The following NCAM2 variants were observed in gnomAD, a reference collection of about 807,000 sequenced individuals.
NCAM2 encodes neural cell adhesion molecule 2.
In NCAM2, 30 loss-of-function variants were observed where a neutral mutation model predicts 98.1. The ratio of observed to expected loss-of-function variants is 0.31; its 90% CI spans 0.23 to 0.41. NCAM2 has a LOEUF of 0.41. NCAM2 is among the 10% of genes least tolerant of loss of function. The probability of loss-of-function intolerance (pLI) is 1.00; values close to 1 mark genes in which losing one functional copy is unlikely to be tolerated. For synonymous variants in NCAM2, 368 were observed against 342.4 expected (o/e 1.07, Z -0.83); for missense variants, 867 against 1,005.8 (o/e 0.86, Z 1.87).
chr21:21,472,237 C>T (rs1294691779), intron 14 of NCAM2, among the ~76,000 whole-genome samples: 4 of 151,884 alleles, frequency 2.6e-5, no homozygotes, highest in African/African-American at 7.3e-5. Flanking sequence ...TAAGGAAGTA[C>T]TATAGGGACT....
intron 1 of NCAM2, among the ~76,000 whole-genome samples, chr21:21,175,392 G>T (rs956803053): frequency 5.3e-5 from 8 of 152,104 alleles, no homozygotes; most frequent in African/African-American, 1.9e-4. Flanking sequence ...AATTATCTGG[G>T]CATGGTGGCA....
Position 21,515,665 on chromosome 21 carries a change from A to G in NCAM2, c.2282+6610A>G, listed in dbSNP as rs529594276. 1.9e-4 allele frequency among the ~76,000 whole-genome samples: 29 copies of G among 152,312 alleles called. No individual in the cohort carries two copies. In the South Asian group the frequency reaches 4.1e-3, roughly 22 times the overall value. On this transcript the variant is annotated intron_variant, in intron 16 of 17. Transcript: ENST00000400546. The stretch of plus-strand genomic sequence containing the variant: ...ATTAATTCAGTGGAAAATTTAATTT[A>G]CTACCTGTAATACCATAATTAAAAT...
intron 16 of NCAM2, among the ~76,000 whole-genome samples, chr21:21,514,113 A>G (rs989357894): frequency 6.6e-6 from 1 of 151,074 alleles, no homozygotes; most frequent in African/African-American, 2.4e-5. Flanking sequence ...TATTATAAGT[A>G]TACATAAACC....
chr21:21,524,545 T>A lies in NCAM2; in HGVS notation c.2283-9992T>A, dbSNP rs148217726. ...AACTCTGTAACAAAAAAAAAGGGGG[T>A]GTGGGGGGAGAATACAAAGATAAAA... On this transcript the variant is annotated intron_variant, in intron 16 of 17. Coordinates refer to ENST00000400546, the MANE Select transcript of NCAM2 (RefSeq NM_004540.5). Among the ~76,000 whole-genome samples the A allele has an allele frequency of 2.2e-3, 308 of 140,860 alleles. 1 individual carries two copies. The highest frequency in any genetic ancestry group is 5.0e-3 in the South Asian group (22 of 4,444). The allele number at this position is 140,860 out of a possible 152,430, so 92.4% of individuals were successfully genotyped here.
chr21:21,185,138 C>A (rs898169787), intron 1 of NCAM2, among the ~76,000 whole-genome samples: 9 of 152,124 alleles, frequency 5.9e-5, no homozygotes, highest in African/African-American at 2.2e-4. Flanking sequence ...GAAATAAAAT[C>A]TAACATTTAA....
chr21:21,291,212 A>ATGGATG (rs1219158635), intron 4 of NCAM2, among the ~76,000 whole-genome samples: 1 of 151,894 alleles, frequency 6.6e-6, no homozygotes. Flanking sequence ...AATGAGATCT[A>ATGGATG]TGGATGTGTT....
At chr21:21,142,873 A>G (rs1489236285) in intron 1 of NCAM2, among the ~76,000 whole-genome samples, 1 of 152,130 alleles carries the variant, frequency 6.6e-6, no homozygotes, top group Non-Finnish European at 1.5e-5. Context: ...TTTCAGAGCT[A>G]TGATTTTTGT....
intron 14 of NCAM2, among the ~76,000 whole-genome samples, chr21:21,471,483 A>G (rs1984434723): frequency 1.3e-5 from 2 of 152,096 alleles, no homozygotes; most frequent in Admixed American, 1.3e-4. Context: ...ATAACTTGAA[A>G]AAATGGTTTA....
intron 1 of NCAM2, among the ~76,000 whole-genome samples, chr21:21,089,408 T>G (rs1601334530): frequency 6.6e-6 from 1 of 152,196 alleles, no homozygotes; most frequent in Admixed American, 6.5e-5. Flanking sequence ...TACCATCTGC[T>G]GGCTATTAGT....
intron 1 of NCAM2, among the ~76,000 whole-genome samples, chr21:21,178,960 A>AAGTTT (rs2068384430): frequency 6.6e-6 from 1 of 152,028 alleles, no homozygotes; most frequent in Non-Finnish European, 1.5e-5. Flanking sequence ...AAGTCCATGA[A>AAGTTT]TTACTGAGGG....
chr21:21,536,485 A>G (rs186981945), intron 17 of NCAM2, among the ~76,000 whole-genome samples: 1 of 150,558 alleles, frequency 6.6e-6, no homozygotes, highest in Non-Finnish European at 1.5e-5. Flanking sequence ...TCCGCCTCCC[A>G]GGTTCAAGCA....
chr21:21,395,278 G>C (rs1177866542), intron 9 of NCAM2, among the ~76,000 whole-genome samples: 3 of 152,152 alleles, frequency 2.0e-5, no homozygotes, highest in Admixed American at 1.3e-4. Flanking sequence ...AGGTGACAAT[G>C]AGATGAGATC....
At chr21:21,333,445 A>G (rs2074770440) in intron 6 of NCAM2, among the ~76,000 whole-genome samples, 1 of 152,198 alleles carries the variant, frequency 6.6e-6, no homozygotes, top group Admixed American at 6.6e-5. Context: ...AAGTCCACTA[A>G]TGGAATCTGC....
chr21:21,247,191 C>A (rs1237059837), intron 1 of NCAM2, among the ~76,000 whole-genome samples: 1 of 152,002 alleles, frequency 6.6e-6, no homozygotes, highest in Non-Finnish European at 1.5e-5. Context: ...TGGTGGTGGG[C>A]ACCTGTAGTC....
At chr21:21,513,469 AT>A (rs534994834) in intron 16 of NCAM2, among the ~76,000 whole-genome samples, 1 of 151,620 alleles carries the variant, frequency 6.6e-6, no homozygotes, top group Admixed American at 6.6e-5. Flanking sequence ...TCAGGAGCAT[AT>A]TTTTTTTAAT....
intron 1 of NCAM2, among the ~76,000 whole-genome samples, chr21:21,266,249 T>G (rs1035706240): frequency 3.3e-5 from 5 of 152,050 alleles, no homozygotes; most frequent in African/African-American, 1.2e-4. Context: ...AAACATACTG[T>G]TTTTTTACTC....
intron 1 of NCAM2, among the ~76,000 whole-genome samples, chr21:21,173,327 A>G (rs573901100): frequency 6.6e-6 from 1 of 152,332 alleles, no homozygotes; most frequent in East Asian, 1.9e-4. Flanking sequence ...GTATAGTATT[A>G]TACTTCAGAG....
intron 9 of NCAM2, among the ~76,000 whole-genome samples, chr21:21,390,894 T>C (rs960825809): frequency 6.6e-6 from 1 of 152,230 alleles, no homozygotes; most frequent in Non-Finnish European, 1.5e-5. Flanking sequence ...TGTGAAAATA[T>C]GCACACCTAT....
At position 21,306,768 on chromosome 21, in the gene NCAM2, G is replaced by A. The variant is rs142177094; in HGVS notation, c.619+14527G>A. Reference sequence around the variant, plus strand: ...TTATTGACTATAGTCACCCTGTTATGGTATCAAATAGTAAGTCTTATTGAT... The same window carrying A: ...TTATTGACTATAGTCACCCTGTTATAGTATCAAATAGTAAGTCTTATTGAT... On this transcript the variant is annotated intron_variant, in intron 5 of 17. Transcript: ENST00000400546. Among the ~76,000 whole-genome samples, 694 of 152,060 alleles carry A rather than the reference G, an allele frequency of 4.6e-3. 4 individuals carry two copies. Among genetic ancestry groups the A allele is most frequent in the African/African-American group, 0.016 (656 of 41,486 alleles).
Sources: allele counts gnomAD v4.1 joint callset (sites outside exome capture counted in the v4.1 genomes callset), GRCh38; gene constraint gnomAD v4.1.1; transcripts MANE v1.5; gene names NCBI Gene and HGNC (gene_info 2026-07-23, HGNC 2026-07-21).